Variants in TSHZ2 observed in about 807,000 individuals in gnomAD.
The protein encoded by TSHZ2 is teashirt zinc finger homeobox 2, also known as teashirt homolog 2.
A neutral mutation model predicts 74.4 loss-of-function variants in TSHZ2; 21 were observed. The ratio of observed to expected loss-of-function variants is 0.28; its 90% CI spans 0.20 to 0.41. TSHZ2 has a LOEUF of 0.41. TSHZ2 is among the 10% of genes least tolerant of loss of function. The pLI, the probability that TSHZ2 is intolerant of heterozygous loss-of-function variation, is 1.00. For missense variants in TSHZ2, 1,244 were observed against 1,293.5 expected (o/e 0.96, Z 0.59); for synonymous variants, 540 against 515.3 (o/e 1.05, Z -0.65).
chr20:53,064,262 G>C (rs1984907423), intron 1 of TSHZ2, among the ~76,000 whole-genome samples: 1 of 152,128 alleles, frequency 6.6e-6, no homozygotes, highest in South Asian at 2.1e-4. Context: ...TAATAAACAA[G>C]GGCCTTGGAG....
At chr20:53,238,431 C>T (rs1989987755) in intron 1 of TSHZ2, among the ~76,000 whole-genome samples, 1 of 152,058 alleles carries the variant, frequency 6.6e-6, no homozygotes, top group Non-Finnish European at 1.5e-5. Flanking sequence ...CCTACTCCAG[C>T]CCATTTCCAC....
At chr20:53,149,012 C>T (rs1016229747) in intron 1 of TSHZ2, among the ~76,000 whole-genome samples, 1 of 152,162 alleles carries the variant, frequency 6.6e-6, no homozygotes, top group Non-Finnish European at 1.5e-5. Context: ...GCAAAGCAAT[C>T]TGTGGCTTAC....
intron 1 of TSHZ2, among the ~76,000 whole-genome samples, chr20:53,180,768 A>G (rs918631007): frequency 6.6e-6 from 1 of 152,180 alleles, no homozygotes; most frequent in African/African-American, 2.4e-5. Context: ...ATATTTTTTA[A>G]ATTAAAAAAA....
chr20:53,461,277 G>A (rs531441725), intron 2 of TSHZ2, among the ~76,000 whole-genome samples: 1 of 152,366 alleles, frequency 6.6e-6, no homozygotes, highest in East Asian at 1.9e-4. Context: ...GAAAAGCGCT[G>A]TATTCGGGTG....
chr20:53,451,191 T>C (rs1318220930), intron 2 of TSHZ2, among the ~76,000 whole-genome samples: 1 of 152,226 alleles, frequency 6.6e-6, no homozygotes, highest in African/African-American at 2.4e-5. Context: ...CCTATGATGA[T>C]TCTTCTGTAG....
chr20:53,481,136 C>CAATT (rs1465878103), intron 2 of TSHZ2, among the ~76,000 whole-genome samples: 5 of 152,112 alleles, frequency 3.3e-5, no homozygotes, highest in Non-Finnish European at 7.4e-5. Flanking sequence ...CTGTTCTATG[C>CAATT]AATTCATTCT....
intron 2 of TSHZ2, among the ~76,000 whole-genome samples, chr20:53,265,093 A>C (rs1990685667): frequency 6.6e-6 from 1 of 151,934 alleles, no homozygotes; most frequent in South Asian, 2.1e-4. Flanking sequence ...GCAAGGGGAG[A>C]GCATTGAAAA....
At chr20:53,252,593 C>G (rs941160142) in intron 1 of TSHZ2, among the ~76,000 whole-genome samples, 1 of 152,218 alleles carries the variant, frequency 6.6e-6, no homozygotes, top group Admixed American at 6.5e-5. Flanking sequence ...TATGTAATTA[C>G]TGGTCCTAAA....
chr20:53,102,558 G>A (rs1002094223), intron 1 of TSHZ2, among the ~76,000 whole-genome samples: 12 of 151,912 alleles, frequency 7.9e-5, no homozygotes, highest in Admixed American at 7.9e-4. Context: ...AAGAGTGAAG[G>A]GTGCAATTTA....
At chr20:53,469,809 C>A (rs2145834381) in intron 2 of TSHZ2, among the ~76,000 whole-genome samples, 1 of 109,236 alleles carries the variant, frequency 9.2e-6, no homozygotes, top group Non-Finnish European at 1.8e-5. Context: ...AGGAAGGACC[C>A]AACAAAGATA....
At chr20:53,275,309 T>C (rs1990919985) in intron 2 of TSHZ2, among the ~76,000 whole-genome samples, 1 of 152,172 alleles carries the variant, frequency 6.6e-6, no homozygotes, top group African/African-American at 2.4e-5. Flanking sequence ...TCTGTCCTCA[T>C]GTTAATTTTT....
intron 2 of TSHZ2, among the ~76,000 whole-genome samples, chr20:53,469,634 GAGGAAGGAAGGAAGGAAGGAAGGA>G (rs756806325): frequency 1.7e-4 from 6 of 35,480 alleles, no homozygotes; most frequent in Non-Finnish European, 2.9e-4. Context: ...GGAAGGGAGG[GAGGAAGGAAGGAAGGAAGGAAGGA>G]AGGAAGGAAG....
intron 2 of TSHZ2, among the ~76,000 whole-genome samples, chr20:53,401,797 T>TC (rs1982674401): frequency 1.5e-5 from 2 of 133,202 alleles, no homozygotes; most frequent in African/African-American, 6.6e-5. Context: ...TTTTTTTTTT[T>TC]CTTCAGACAG....
intron 1 of TSHZ2, among the ~76,000 whole-genome samples, chr20:53,068,283 C>T (rs1985059378): frequency 6.6e-6 from 1 of 152,160 alleles, no homozygotes; most frequent in South Asian, 2.1e-4. Context: ...ACTTTACCAT[C>T]ACCCACACCA....
At chr20:53,391,451 TTTG>T (rs1402349475) in intron 2 of TSHZ2, among the ~76,000 whole-genome samples, 10 of 150,802 alleles carry the variant, frequency 6.6e-5, no homozygotes, top group East Asian at 1.9e-4. Flanking sequence ...GGCCGTTTTT[TTTG>T]TTTGTTTGTT....
intron 1 of TSHZ2, among the ~76,000 whole-genome samples, chr20:53,212,246 A>G (rs894480271): frequency 1.3e-5 from 2 of 152,216 alleles, no homozygotes; most frequent in African/African-American, 4.8e-5. Flanking sequence ...AAAGTGTTAC[A>G]TGAGCAATGA....
At position 53,140,356 on chromosome 20, in the gene TSHZ2, C is replaced by T. The variant is rs1211359144; in HGVS notation, c.41-113143C>T. 2.6e-5 allele frequency among the ~76,000 whole-genome samples: 4 copies of T among 151,632 alleles called. No individual in the cohort carries two copies. The East Asian group carries it at 7.8e-4, about 29-fold the overall frequency. ...GAGATCGGGACCATCCTGGCTAACA[C>T]GGTGAAACCCTGTCTCTACTAAAAA... is the stretch of plus-strand genomic sequence containing the variant. On this transcript the variant is annotated intron_variant, in intron 1 of 2. Transcript: ENST00000371497.
At chr20:53,452,823 G>A (rs546275168) in intron 2 of TSHZ2, among the ~76,000 whole-genome samples, 1 of 152,178 alleles carries the variant, frequency 6.6e-6, no homozygotes, top group African/African-American at 2.4e-5. Context: ...AGTTCTGCCT[G>A]TTGTTTGTGT....
In TSHZ2 at chr20:53,255,329, C is replaced by T. The variant is rs1405240194; in HGVS notation, c.1871C>T (p.Ser624Leu). 6.2e-7 allele frequency: 1 copy of T among 1,613,966 alleles called. No homozygotes were observed. Among genetic ancestry groups the T allele is most frequent in the Non-Finnish European group, 8.5e-7 (1 of 1,179,982 alleles). ...CGKESPHEEA[S>L]SFSHSEGDSF... Reference sequence around the variant, plus strand: ...AAAGAAAGTCCCCACGAAGAGGCCTCATCTTTCAGCCACAGTGAGGGCGAT... The same window carrying T: ...AAAGAAAGTCCCCACGAAGAGGCCTTATCTTTCAGCCACAGTGAGGGCGAT... Residue 624 changes from serine to leucine, a missense_variant, in exon 2 of 3, where the codon TCA becomes TTA. Ser to Leu is a moderately radical substitution (Grantham distance 145). This residue lies in a region of TSHZ2 where 562 missense variants were observed against 544.0 expected (regional missense o/e 1.03). Coordinates refer to ENST00000371497, the MANE Select transcript of TSHZ2 (RefSeq NM_173485.6). The surrounding 1 kb of genome is among the most constrained non-coding windows in gnomAD (Gnocchi z 4.1).
Sources: gnomAD v4.1 joint callset for allele counts (sites outside exome capture counted in the v4.1 genomes callset) on GRCh38, gnomAD v4.1.1 for gene constraint, gnomAD v4.1.1 regional missense constraint, Gnocchi (gnomAD v3.1) non-coding constraint, MANE v1.5 for transcripts, NCBI Gene and HGNC (gene_info 2026-07-23, HGNC 2026-07-21) for gene names.